FNDC3A: variants seen among roughly 807,000 people sequenced by gnomAD.
FNDC3A encodes fibronectin type-III domain-containing protein 3A.
FNDC3A carries 32 observed loss-of-function variants against 148.9 expected under a neutral mutation model. The ratio of observed to expected loss-of-function variants is 0.21; its 90% CI spans 0.16 to 0.29. The LOEUF (loss-of-function observed/expected upper bound fraction) is 0.29, where lower values mean the gene tolerates loss of function less well. FNDC3A is among the 10% of genes least tolerant of loss of function. The pLI, the probability that FNDC3A is intolerant of heterozygous loss-of-function variation, is 1.00. For synonymous variants in FNDC3A, 472 were observed against 473.6 expected, an observed-to-expected ratio of 1.00 and a Z score of 0.04; for missense variants, 1,191 against 1,452.8, an observed-to-expected ratio of 0.82 and a Z score of 2.93.
intron 2 of FNDC3A, chr13:49,046,740 G>A (rs1875438369): frequency 6.6e-6 from 1 of 152,084 alleles, no homozygotes; most frequent in South Asian, 2.1e-4. Flanking sequence ...TAGTAATAGT[G>A]TTCTCACTGT....
intron 8 of FNDC3A, among the ~76,000 whole-genome samples, chr13:49,163,871 G>A (rs1340118768): frequency 1.3e-5 from 2 of 152,118 alleles, no homozygotes; most frequent in East Asian, 3.9e-4. Flanking sequence ...TTGTTTTTAT[G>A]TTCTTTGTTT....
chr13:49,124,427 A>C (rs1456628446), intron 4 of FNDC3A, among the ~76,000 whole-genome samples: 1 of 151,982 alleles, frequency 6.6e-6, no homozygotes, highest in Non-Finnish European at 1.5e-5. Context: ...CCACCATGGC[A>C]CGTGTATACC....
chr13:49,020,969 C>G (rs749579548), intron 2 of FNDC3A, among the ~76,000 whole-genome samples: 1 of 151,990 alleles, frequency 6.6e-6, no homozygotes, highest in Non-Finnish European at 1.5e-5. Flanking sequence ...AGATCTGATT[C>G]GAACCAGAGA....
chr13:49,145,750 A>G, intron 7 of FNDC3A, 28 bp from the exon 8 acceptor site: 1 of 1,605,658 alleles, frequency 6.2e-7, no homozygotes, highest in Non-Finnish European at 8.5e-7. Context: ...GTTGTTTTAA[A>G]GAACTTTTAA....
In FNDC3A at chr13:49,209,017, T is replaced by C. The variant is rs748473685; in HGVS notation, c.*1622T>C. 6.6e-6 allele frequency: 1 copy of C among 152,534 alleles called. No homozygotes were observed. Among genetic ancestry groups the C allele is most frequent in the Admixed American group, 6.5e-5 (1 of 15,280 alleles). The allele number at this position is 152,534 out of a possible 1,614,324, so 9.4% of individuals were successfully genotyped here. On this transcript the variant is annotated 3_prime_UTR_variant, in exon 26 of 26. Transcript: ENST00000492622. ...AAAAGAAATGGATAAACTTGGCCTT[T>C]CTAAGTGGTAAGAATGACCTGTCAC...
chr13:49,018,842 TC>T (rs551209593), intron 2 of FNDC3A, among the ~76,000 whole-genome samples: 75 of 152,286 alleles, frequency 4.9e-4, no homozygotes, highest in African/African-American at 1.7e-3. Context: ...CAGCTGCAGG[TC>T]TGTTGGAGTA....
intron 15 of FNDC3A, among the ~76,000 whole-genome samples, 191 bp from the exon 16 acceptor site, chr13:49,186,931 C>A (rs1300881097): frequency 6.6e-6 from 1 of 151,570 alleles, no homozygotes; most frequent in Non-Finnish European, 1.5e-5. Flanking sequence ...TTATAGAGAG[C>A]CATATTTTAA....
chr13:49,168,649 T>G lies in FNDC3A; in HGVS notation c.1074T>G (p.Pro358=). Residue 358 remains proline, a synonymous_variant, in exon 10 of 26, where the codon CCT becomes CCG. Coordinates refer to ENST00000492622, the MANE Select transcript of FNDC3A (RefSeq NM_001079673.2). The part of the protein sequence containing the change: ...QAEYNSIKGT[P]SEAEIFTTLS... Reference sequence around the variant, plus strand: ...AATATAATTCTATAAAGGGAACTCCTTCAGAGGCTGAAATCTTTACCACCT... The same window carrying G: ...AATATAATTCTATAAAGGGAACTCCGTCAGAGGCTGAAATCTTTACCACCT... The G allele has an allele frequency of 6.2e-7, 1 of 1,612,206 alleles. No individual in the cohort carries two copies. Among genetic ancestry groups the G allele is most frequent in the Non-Finnish European group, 8.5e-7 (1 of 1,178,322 alleles).
At chr13:49,188,163 G>C (rs1426603520) in intron 16 of FNDC3A, among the ~76,000 whole-genome samples, 3 of 152,100 alleles carry the variant, frequency 2.0e-5, no homozygotes, top group African/African-American at 7.2e-5. Flanking sequence ...CTTTTAATTA[G>C]GACTAGACTT....
At chr13:49,070,207 C>T (rs1191220173) in intron 2 of FNDC3A, among the ~76,000 whole-genome samples, 1 of 152,104 alleles carries the variant, frequency 6.6e-6, no homozygotes, top group Non-Finnish European at 1.5e-5. Flanking sequence ...TCTCGGCTCA[C>T]TGCAACCTCC....
intron 14 of FNDC3A, among the ~76,000 whole-genome samples, chr13:49,182,156 T>C (rs1237728527): frequency 2.6e-5 from 4 of 151,740 alleles, no homozygotes; most frequent in Admixed American, 1.3e-4. Flanking sequence ...CTATTTTTTA[T>C]TTTTTTATAT....
At chr13:49,114,862 A>G in intron 4 of FNDC3A, 131 bp downstream of exon 4, 1 of 705,490 alleles carries the variant, frequency 1.4e-6, no homozygotes, top group Non-Finnish European at 2.5e-6. Flanking sequence ...TCTATCATAA[A>G]TCTATTTCAA....
chr13:49,171,918 A>G (rs1884775098), intron 10 of FNDC3A, 125 bp from the exon 11 acceptor site: 1 of 636,672 alleles, frequency 1.6e-6, no homozygotes, highest in Non-Finnish European at 2.7e-6. Context: ...TTTTATGAAC[A>G]TTTTCGCAGG....
intron 3 of FNDC3A, among the ~76,000 whole-genome samples, chr13:49,102,499 A>G (rs1175758026): frequency 1.3e-5 from 2 of 152,178 alleles, no homozygotes; most frequent in Non-Finnish European, 2.9e-5. Context: ...ATTGACTCCT[A>G]CCTTCAGAAC....
At chr13:49,178,487 C>G (rs1885145276) in intron 13 of FNDC3A, 81 bp from the exon 14 acceptor site, 2 of 840,356 alleles carry the variant, frequency 2.4e-6, no homozygotes, top group East Asian at 5.1e-5. Context: ...GAAGAGAAAC[C>G]CGGGTCTTTT....
intron 25 of FNDC3A, 143 bp from the exon 26 acceptor site, chr13:49,206,938 T>C: frequency 1.6e-6 from 1 of 630,536 alleles, no homozygotes; most frequent in East Asian, 2.7e-5. Context: ...AATGGACAGG[T>C]ATTTTTAACA....
intron 10 of FNDC3A, among the ~76,000 whole-genome samples, chr13:49,169,146 A>T (rs903151606): frequency 1.3e-5 from 2 of 152,236 alleles, no homozygotes; most frequent in Non-Finnish European, 2.9e-5. Context: ...GAATAAAGTT[A>T]TTGTCAATAG....
chr13:49,024,144 C>G (rs1363580378), intron 2 of FNDC3A, among the ~76,000 whole-genome samples: 1 of 151,924 alleles, frequency 6.6e-6, no homozygotes, highest in Non-Finnish European at 1.5e-5. Context: ...CGATAAATTA[C>G]TGGACACATT....
chr13:49,004,918 C>T (rs1489710807), intron 1 of FNDC3A, among the ~76,000 whole-genome samples: 2 of 151,740 alleles, frequency 1.3e-5, no homozygotes, highest in Non-Finnish European at 3.0e-5. Context: ...CACAGAGCAA[C>T]ATTATTTGAC....
Sources: gnomAD v4.1 joint callset for allele counts (sites outside exome capture counted in the v4.1 genomes callset) on GRCh38, gnomAD v4.1.1 for gene constraint, MANE v1.5 for transcripts, NCBI Gene and HGNC (gene_info 2026-07-23, HGNC 2026-07-21) for gene names.